Variants in FAM227A observed in about 807,000 individuals in gnomAD.
The protein encoded by FAM227A is family with sequence similarity 227 member A, also known as protein FAM227A.
In FAM227A, 80 loss-of-function variants were observed where a neutral mutation model predicts 74.7. The ratio of observed to expected loss-of-function variants is 1.07; its 90% CI spans 0.89 to 1.29. The LOEUF (loss-of-function observed/expected upper bound fraction) is 1.29, where lower values mean the gene tolerates loss of function less well. Among genes scored for constraint, FAM227A ranks in the 50% most tolerant of loss-of-function variants. FAM227A has a pLI of 0.00. For missense variants in FAM227A, 654 were observed against 683.4 expected, an observed-to-expected ratio of 0.96 and a Z score of 0.48; for synonymous variants, 237 against 241.8, an observed-to-expected ratio of 0.98 and a Z score of 0.19.
chr22:38,637,889 G>A (rs1384738951), intron 5 of FAM227A, among the ~76,000 whole-genome samples: 1 of 152,214 alleles, frequency 6.6e-6, no homozygotes, highest in Non-Finnish European at 1.5e-5. Context: ...GCTAAGGGCT[G>A]GGCACGGTGG....
intron 13 of FAM227A, among the ~76,000 whole-genome samples, chr22:38,603,282 G>A (rs2091215132): frequency 6.6e-6 from 1 of 152,084 alleles, no homozygotes; most frequent in African/African-American, 2.4e-5. Context: ...GAGGTTAGGA[G>A]TTTGAGACCC....
chr22:38,632,139 T>G (rs2091926142), intron 6 of FAM227A, among the ~76,000 whole-genome samples: 1 of 152,066 alleles, frequency 6.6e-6, no homozygotes, highest in Non-Finnish European at 1.5e-5. Context: ...GCACTGAGGT[T>G]AGATAGAGGC....
intron 6 of FAM227A, among the ~76,000 whole-genome samples, chr22:38,636,141 C>T (rs1384533807): frequency 1.3e-5 from 2 of 151,952 alleles, no homozygotes; most frequent in Non-Finnish European, 1.5e-5. Context: ...ATTAAGCATA[C>T]TCATATGCAT....
intron 14 of FAM227A, among the ~76,000 whole-genome samples, chr22:38,598,049 A>AAAAAAAAG (rs1247155341): frequency 6.6e-6 from 1 of 151,506 alleles, no homozygotes; most frequent in African/African-American, 2.4e-5. Context: ...TCTCAAAAAA[A>AAAAAAAAG]AAAAAAAAAA....
intron 2 of FAM227A, 30 bp from the exon 3 acceptor site, chr22:38,645,675 G>A (rs976181305): frequency 1.6e-5 from 23 of 1,442,116 alleles, no homozygotes; most frequent in Admixed American, 2.0e-5. Flanking sequence ...AGGAAACTCA[G>A]GGTGATGATT....
Position 38,583,122 on chromosome 22 carries a change from T to C in FAM227A, c.*3003A>G. The C allele has an allele frequency of 1.5e-6, 1 of 645,594 alleles. No homozygotes were observed. Among genetic ancestry groups the C allele is most frequent in the Non-Finnish European group, 2.6e-6 (1 of 383,960 alleles). The allele number at this position is 645,594 out of a possible 1,614,324, so 40.0% of individuals were successfully genotyped here. A position where few individuals can be genotyped will look rare whatever the true frequency, so the allele number is the denominator to read the frequency against. ...TGTTCTGCTTATCTGCCCCACATGGTGCCTTGTACTCGGCAGGTGCTCACA... is the reference window on the plus strand; with the variant it reads ...TGTTCTGCTTATCTGCCCCACATGGCGCCTTGTACTCGGCAGGTGCTCACA... On this transcript the variant is annotated 3_prime_UTR_variant, in exon 17 of 17. Coordinates refer to ENST00000535113, the MANE Select transcript of FAM227A (RefSeq NM_001013647.2).
intron 11 of FAM227A, among the ~76,000 whole-genome samples, chr22:38,607,809 T>C (rs1374448732): frequency 6.6e-6 from 1 of 152,178 alleles, no homozygotes; most frequent in Non-Finnish European, 1.5e-5. Flanking sequence ...AGCAAATGCA[T>C]GCAAATTACA....
chr22:38,627,547 G>A (rs1210116198), intron 8 of FAM227A, among the ~76,000 whole-genome samples: 1 of 151,760 alleles, frequency 6.6e-6, no homozygotes, highest in Non-Finnish European at 1.5e-5. Flanking sequence ...CAGCCTGGGC[G>A]ACAGAGTGAG....
At chr22:38,595,970 AG>A (rs5845387) in intron 15 of FAM227A, among the ~76,000 whole-genome samples, 129,303 of 144,802 alleles carry the variant, frequency 0.89, 57,592 homozygotes, top group East Asian at 0.97. Context: ...ACAACTAATA[AG>A]GGGGGGGGGG....
At chr22:38,606,002 C>A (rs2091274709) in intron 12 of FAM227A, among the ~76,000 whole-genome samples, 1 of 152,100 alleles carries the variant, frequency 6.6e-6, no homozygotes, top group South Asian at 2.1e-4. Flanking sequence ...ATTTGCCATC[C>A]ATTCATTACC....
intron 3 of FAM227A, among the ~76,000 whole-genome samples, chr22:38,641,979 A>ACG (rs1367994677): frequency 2.8e-5 from 4 of 143,344 alleles, no homozygotes; most frequent in East Asian, 2.0e-4. Context: ...GTGTGTGCGC[A>ACG]CGTGTGTGTG....
intron 6 of FAM227A, among the ~76,000 whole-genome samples, chr22:38,634,993 T>A (rs1450131998): frequency 6.6e-6 from 1 of 151,962 alleles, no homozygotes; most frequent in Non-Finnish European, 1.5e-5. Context: ...ACACCTGTAA[T>A]CCCAGCACTT....
intron 12 of FAM227A, 118 bp downstream of exon 12, chr22:38,607,271 G>A: frequency 1.5e-6 from 1 of 655,202 alleles, no homozygotes; most frequent in Non-Finnish European, 2.7e-6. Context: ...GGCCCAGGCT[G>A]GAACCCCAAG....
In FAM227A at chr22:38,627,986, A is replaced by G. The variant is rs185716072; in HGVS notation, c.726+252T>C. 3.1e-3 allele frequency among the ~76,000 whole-genome samples: 470 copies of G among 150,804 alleles called. 1 individual carries two copies. The highest frequency in any genetic ancestry group is 0.011 in the African/African-American group (461 of 41,100). On this transcript the variant is annotated intron_variant, in intron 8 of 16. Coordinates refer to ENST00000535113, the MANE Select transcript of FAM227A (RefSeq NM_001013647.2). ...ATATTTTTCCAGGTTTTTTTTTTCT[A>G]TTCATAGGTATATATATCATATAGA...
intron 7 of FAM227A, 88 bp downstream of exon 7, chr22:38,628,746 G>A: frequency 1.2e-6 from 1 of 820,696 alleles, no homozygotes; most frequent in Non-Finnish European, 2.0e-6. Flanking sequence ...GGATCAGAGG[G>A]GCTTGTAGCT....
In FAM227A at chr22:38,599,749, C is replaced by G; in HGVS notation, c.1379+15G>C. 6.5e-7 allele frequency: 1 copy of G among 1,547,696 alleles called. No individual in the cohort carries two copies. Among genetic ancestry groups the G allele is most frequent in the Non-Finnish European group, 8.7e-7 (1 of 1,145,226 alleles). On this transcript the variant is annotated intron_variant, in intron 14 of 16. Transcript: ENST00000535113. The stretch of plus-strand genomic sequence containing the variant: ...CCTGGAGCAGTGCGCACCCTGCCCA[C>G]AGTGACAAGGATATGGGGTGCTCGT...
At chr22:38,607,911 G>T (rs1394927232) in intron 11 of FAM227A, among the ~76,000 whole-genome samples, 1 of 152,146 alleles carries the variant, frequency 6.6e-6, no homozygotes, top group African/African-American at 2.4e-5. Flanking sequence ...AACTACTAAT[G>T]TGTTTGCACT....
At chr22:38,626,416 G>A in intron 8 of FAM227A, 113 bp from the exon 9 acceptor site, 2 of 1,286,498 alleles carry the variant, frequency 1.6e-6, no homozygotes, top group South Asian at 3.3e-5. Flanking sequence ...TGTTGTTGTT[G>A]TTTAGAGACA....
intron 11 of FAM227A, among the ~76,000 whole-genome samples, chr22:38,607,812 A>C (rs2091318110): frequency 6.6e-6 from 1 of 152,182 alleles, no homozygotes. Context: ...AAATGCATGC[A>C]AATTACACGA....
Sources: gnomAD v4.1 joint callset for allele counts (sites outside exome capture counted in the v4.1 genomes callset) on GRCh38, gnomAD v4.1.1 for gene constraint, MANE v1.5 for transcripts, NCBI Gene and HGNC (gene_info 2026-07-23, HGNC 2026-07-21) for gene names.